Variants in WWOX observed in about 807,000 individuals in gnomAD.
The protein encoded by WWOX is WW domain-containing oxidoreductase.
WWOX carries 69 observed loss-of-function variants against 46.2 expected under a neutral mutation model. The observed-to-expected ratio is 1.49, with a 90% CI of 1.23 to 1.82. The LOEUF (loss-of-function observed/expected upper bound fraction) is 1.82. Ranked by LOEUF, WWOX falls within the 40% of genes most tolerant of loss-of-function variation. WWOX has a pLI of 0.00. For missense variants in WWOX, 919 were observed against 542.6 expected, an observed-to-expected ratio of 1.69 and a Z score of -6.89; for synonymous variants, 359 against 202.6, an observed-to-expected ratio of 1.77 and a Z score of -6.56.
intron 8 of WWOX, among the ~76,000 whole-genome samples, chr16:78,673,290 T>C (rs1165416024): frequency 6.6e-6 from 1 of 152,160 alleles, no homozygotes; most frequent in Non-Finnish European, 1.5e-5. Flanking sequence ...GCACTAGCCT[T>C]AGAGAGAGGA....
chr16:79,121,710 T>C (rs1166532806), intron 8 of WWOX, among the ~76,000 whole-genome samples: 1 of 152,188 alleles, frequency 6.6e-6, no homozygotes, highest in Non-Finnish European at 1.5e-5. Context: ...GAATCCGAAC[T>C]GGTGGCTTCC....
At chr16:78,526,492 T>C (rs1396449530) in intron 8 of WWOX, 1 of 151,964 alleles carries the variant, frequency 6.6e-6, no homozygotes, top group African/African-American at 2.4e-5. Context: ...AAAATGAAAA[T>C]ATGGGGTTCT....
In WWOX at chr16:78,563,539, T is replaced by C. The variant is rs557562072; in HGVS notation, c.1056+130787T>C. 1.7e-3 allele frequency among the ~76,000 whole-genome samples: 257 copies of C among 151,410 alleles called. 1 individual carries two copies. The Middle Eastern group carries it at 0.024, about 14-fold the overall frequency. ...CACGCTTTTTTTTTTTTTTCTTTTT[T>C]TTTTTCTCCTATTGCAATAGAACGT... On this transcript the variant is annotated intron_variant, in intron 8 of 8. Transcript: ENST00000566780.
At chr16:78,411,285 T>G (rs762273395) in intron 6 of WWOX, among the ~76,000 whole-genome samples, 10 of 152,092 alleles carry the variant, frequency 6.6e-5, no homozygotes, top group Non-Finnish European at 1.5e-4. Flanking sequence ...TTAGTAGTAG[T>G]TTGCTTCTTT....
chr16:78,318,420 C>G (rs905640123), intron 5 of WWOX, among the ~76,000 whole-genome samples: 5 of 152,026 alleles, frequency 3.3e-5, no homozygotes, highest in Non-Finnish European at 7.4e-5. Flanking sequence ...GCCTGGGCGA[C>G]AAGAGCGCAA....
At chr16:78,384,602 C>T (rs1166859858) in intron 5 of WWOX, among the ~76,000 whole-genome samples, 1 of 152,056 alleles carries the variant, frequency 6.6e-6, no homozygotes, top group Non-Finnish European at 1.5e-5. Flanking sequence ...TTATAGCAGA[C>T]CCTCTAGCTC....
At chr16:78,766,342 C>G (rs555133632) in intron 8 of WWOX, among the ~76,000 whole-genome samples, 2 of 152,216 alleles carry the variant, frequency 1.3e-5, no homozygotes, top group Non-Finnish European at 2.9e-5. Context: ...CACTTGTAAT[C>G]TCAGCACTTG....
At chr16:79,039,039 T>A (rs1249633857) in intron 8 of WWOX, among the ~76,000 whole-genome samples, 1 of 152,186 alleles carries the variant, frequency 6.6e-6, no homozygotes, top group Non-Finnish European at 1.5e-5. Flanking sequence ...GACTTAGTGT[T>A]AAACCTCTAC....
intron 5 of WWOX, among the ~76,000 whole-genome samples, chr16:78,334,691 A>C (rs543117769): frequency 6.6e-6 from 1 of 152,206 alleles, no homozygotes; most frequent in Non-Finnish European, 1.5e-5. Flanking sequence ...AGAAAAAGCC[A>C]CATTGTTTTT....
rs116040954 is a variant in WWOX at position 79,076,029 on chromosome 16, A to T, written c.1057-135579A>T. On this transcript the variant is annotated intron_variant, in intron 8 of 8. Coordinates refer to ENST00000566780, the MANE Select transcript of WWOX (RefSeq NM_016373.4). ...TGGGGTTTTTTTCTTCTTACAGTAT[A>T]TGTAGAACCATTTTCTTGAAAATGT... Among the ~76,000 whole-genome samples the T allele has an allele frequency of 6.3e-3, 958 of 152,268 alleles. 9 individuals are homozygous for T. The highest frequency in any genetic ancestry group is 0.021 in the African/African-American group (883 of 41,550).
intron 8 of WWOX, among the ~76,000 whole-genome samples, chr16:78,826,237 T>A (rs1452230243): frequency 6.6e-6 from 1 of 152,126 alleles, no homozygotes; most frequent in Non-Finnish European, 1.5e-5. Flanking sequence ...TCACAGCTAC[T>A]TGGGAGGCTG....
At chr16:78,559,382 T>G (rs1439293757) in intron 8 of WWOX, among the ~76,000 whole-genome samples, 1 of 152,140 alleles carries the variant, frequency 6.6e-6, no homozygotes, top group Non-Finnish European at 1.5e-5. Context: ...GGGATGGATA[T>G]AGACTAAGAC....
Position 78,335,313 on chromosome 16 carries a change from G to A in WWOX, c.517-51547G>A, listed in dbSNP as rs972885785. On this transcript the variant is annotated intron_variant, in intron 5 of 8. Coordinates refer to ENST00000566780, the MANE Select transcript of WWOX (RefSeq NM_016373.4). ...CTGCAAGCCCCAGTGTGTGTTATCCGCCTCCACCGTGTGTCCATGTGTTCT... is the reference window on the plus strand; with the variant it reads ...CTGCAAGCCCCAGTGTGTGTTATCCACCTCCACCGTGTGTCCATGTGTTCT... 3.9e-5 allele frequency among the ~76,000 whole-genome samples: 6 copies of A among 152,078 alleles called. No individual in the cohort carries two copies. The East Asian group carries it at 5.8e-4, about 15-fold the overall frequency.
intron 8 of WWOX, among the ~76,000 whole-genome samples, chr16:78,817,167 C>G (rs907492553): frequency 3.6e-5 from 2 of 56,070 alleles, no homozygotes; most frequent in Admixed American, 3.7e-4. Context: ...AACATTAGTG[C>G]TATTCTTTTT....
At chr16:78,361,265 T>A (rs1177560837) in intron 5 of WWOX, among the ~76,000 whole-genome samples, 8 of 152,216 alleles carry the variant, frequency 5.3e-5, no homozygotes, top group Admixed American at 2.6e-4. Context: ...GGTGTCTTTC[T>A]TAGTATATTA....
intron 8 of WWOX, among the ~76,000 whole-genome samples, chr16:78,547,540 T>G (rs1360603192): frequency 2.0e-5 from 3 of 152,184 alleles, no homozygotes; most frequent in African/African-American, 7.2e-5. Context: ...CCAGAAAGCC[T>G]TGTGCTTTAG....
chr16:78,187,310 C>T (rs2035740787), intron 5 of WWOX, among the ~76,000 whole-genome samples: 1 of 152,140 alleles, frequency 6.6e-6, no homozygotes, highest in Admixed American at 6.5e-5. Context: ...GGACTGCACT[C>T]AAGGAACTTA....
At chr16:78,729,978 G>C (rs57150307) in intron 8 of WWOX, among the ~76,000 whole-genome samples, 6,655 of 152,144 alleles carry the variant, frequency 0.044, 447 homozygotes, top group African/African-American at 0.14. Flanking sequence ...CTCATCCCTC[G>C]AAGCTGCCAC....
intron 8 of WWOX, among the ~76,000 whole-genome samples, chr16:79,130,551 T>G (rs777212135): frequency 1.3e-5 from 2 of 152,238 alleles, no homozygotes; most frequent in South Asian, 4.2e-4. Context: ...ACCTGTACAT[T>G]CACATCCTGG....
Sources: gnomAD v4.1 joint callset for allele counts (sites outside exome capture counted in the v4.1 genomes callset) on GRCh38, gnomAD v4.1.1 for gene constraint, MANE v1.5 for transcripts, NCBI Gene and HGNC (gene_info 2026-07-23, HGNC 2026-07-21) for gene names.